The following ARL17B variants were observed in gnomAD, a reference collection of about 807,000 sequenced individuals.
The protein encoded by ARL17B is ARF like GTPase 17B.
At chr17:46,279,805 C>T (rs2049710597) in intron 4 of ARL17B, among the ~76,000 whole-genome samples, 1 of 152,204 alleles carries the variant, frequency 6.6e-6, no homozygotes, top group Admixed American at 6.5e-5. Context: ...AACAGGCCCT[C>T]CTACACAACT....
chr17:46,277,252 C>T (rs1329810720), intron 4 of ARL17B, among the ~76,000 whole-genome samples: 9 of 152,214 alleles, frequency 5.9e-5, no homozygotes, highest in African/African-American at 1.7e-4. Flanking sequence ...CTACACTATG[C>T]GGGCCCAGCC....
chr17:46,340,956 G>C (rs1327588645), intron 3 of ARL17B, among the ~76,000 whole-genome samples: 1 of 76,402 alleles, frequency 1.3e-5, no homozygotes, highest in African/African-American at 4.0e-5. Flanking sequence ...GCCCAGGCTG[G>C]TTTTGAACTC....
At chr17:46,290,497 C>T (rs144760741) in intron 4 of ARL17B, among the ~76,000 whole-genome samples, 10 of 152,300 alleles carry the variant, frequency 6.6e-5, no homozygotes, top group African/African-American at 2.2e-4. Context: ...CTCGCTCTGT[C>T]GTGCAGTGGC....
intron 4 of ARL17B, among the ~76,000 whole-genome samples, chr17:46,287,510 G>A (rs1320470864): frequency 1.3e-5 from 2 of 152,360 alleles, no homozygotes; most frequent in Non-Finnish European, 2.9e-5. Flanking sequence ...GTCAAAATAT[G>A]CTAAGAAGAA....
chr17:46,289,669 A>G (rs1256399420), intron 4 of ARL17B, among the ~76,000 whole-genome samples: 3 of 152,222 alleles, frequency 2.0e-5, no homozygotes, highest in African/African-American at 7.2e-5. Flanking sequence ...AATTTCTACA[A>G]TAATTTTAAA....
chr17:46,277,765 G>C (rs1445831200), intron 4 of ARL17B, among the ~76,000 whole-genome samples: 2 of 151,810 alleles, frequency 1.3e-5, no homozygotes, highest in Non-Finnish European at 2.9e-5. Context: ...TCCTGCCTCA[G>C]CCTCCCGAGT....
At chr17:46,352,760 TC>T (rs2052795915) in intron 3 of ARL17B, 59 bp downstream of exon 3, 1 of 460,706 alleles carries the variant, frequency 2.2e-6, no homozygotes, top group East Asian at 3.6e-5. Flanking sequence ...ACTTCAAGCA[TC>T]CGTCTTTAGA....
downstream of ARL17B, chr17:46,331,213 C>T (rs756464366): frequency 9.6e-6 from 7 of 725,936 alleles, 2 homozygotes; most frequent in East Asian, 7.7e-5. Flanking sequence ...AAACTCGCTC[C>T]CACGTGACCC....
chr17:46,314,461 T>C lies in ARL17B; in HGVS notation c.260-14796A>G, dbSNP rs1396996677. 3.7e-5 allele frequency among the ~76,000 whole-genome samples: 3 copies of C among 81,772 alleles called. 1 individual carries two copies. The highest frequency in any genetic ancestry group is 1.1e-3 in the South Asian group (2 of 1,792). 53.6% of individuals were successfully genotyped at this position (81,772 alleles called of 152,430 possible). The stretch of plus-strand genomic sequence containing the variant: ...GCACATAGATGTTCAGGTGACGCCA[T>C]TGCACTCAAGCCTGGGCAACAGAGT... On this transcript the variant is annotated intron_variant, in intron 3 of 4. Coordinates refer to the ARL17B transcript ENST00000434041.
chr17:46,285,907 A>G (rs2049894427), intron 4 of ARL17B, among the ~76,000 whole-genome samples: 1 of 152,268 alleles, frequency 6.6e-6, no homozygotes, highest in Non-Finnish European at 1.5e-5. Flanking sequence ...ATCTGTAAGG[A>G]ACGGAGCACC....
intron 4 of ARL17B, among the ~76,000 whole-genome samples, chr17:46,280,755 G>A (rs867984065): frequency 2.0e-5 from 3 of 152,044 alleles, no homozygotes; most frequent in Admixed American, 6.5e-5. Flanking sequence ...TGTATTTTTA[G>A]TAGGGACGAG....
intron 4 of ARL17B, among the ~76,000 whole-genome samples, chr17:46,276,034 G>T (rs372200900): frequency 0.11 from 15,300 of 143,340 alleles, 1 homozygote; most frequent in Non-Finnish European, 0.16. Context: ...GGGATTACAG[G>T]TGCCTGCCAC....
chr17:46,299,596 G>A (rs1289792923), exon 4 of ARL17B: 1 of 10,804 alleles, frequency 9.3e-5, no homozygotes, highest in Admixed American at 6.7e-4. Context: ...TCCAGGAGAT[G>A]CCTCATCATT....
chr17:46,280,884 A>G (rs2049744920), intron 4 of ARL17B, among the ~76,000 whole-genome samples: 1 of 152,222 alleles, frequency 6.6e-6, no homozygotes, highest in African/African-American at 2.4e-5. Flanking sequence ...CCAATAGCAC[A>G]CGCTTTTAAA....
chr17:46,279,082 G>A (rs1374005321), intron 4 of ARL17B, among the ~76,000 whole-genome samples: 2 of 152,182 alleles, frequency 1.3e-5, no homozygotes, highest in East Asian at 1.9e-4. Context: ...ATAGGCATAA[G>A]CCACTGTTCC....
intron 4 of ARL17B, among the ~76,000 whole-genome samples, chr17:46,290,762 T>C (rs1323103417): frequency 6.6e-6 from 1 of 152,236 alleles, no homozygotes; most frequent in Non-Finnish European, 1.5e-5. Context: ...AGCTATAGTT[T>C]TATAGATTCT....
At chr17:46,282,879 G>A (rs1164414272) in intron 4 of ARL17B, among the ~76,000 whole-genome samples, 2 of 152,216 alleles carry the variant, frequency 1.3e-5, no homozygotes, top group Non-Finnish European at 2.9e-5. Context: ...AGCATTTTGG[G>A]AGGCCGAAGC....
intron 4 of ARL17B, among the ~76,000 whole-genome samples, chr17:46,287,498 C>T (rs2696495): frequency 0.14 from 21,451 of 151,444 alleles, 1,881 homozygotes; most frequent in Non-Finnish European, 0.21. Context: ...AGAAGATAAA[C>T]GGTCAAAATA....
chr17:46,288,706 C>CTTT (rs199591277), intron 4 of ARL17B, among the ~76,000 whole-genome samples: 52 of 138,998 alleles, frequency 3.7e-4, no homozygotes, highest in Non-Finnish European at 6.0e-4. Flanking sequence ...CTTGTTTTTT[C>CTTT]TTTTTTTTTT....
Sources: gnomAD v4.1 joint callset for allele counts (sites outside exome capture counted in the v4.1 genomes callset) on GRCh38, gnomAD v4.1.1 for gene constraint, MANE v1.5 for transcripts, NCBI Gene and HGNC (gene_info 2026-07-23, HGNC 2026-07-21) for gene names.